Variants in MEGF11 observed in about 807,000 individuals in gnomAD.
The protein encoded by MEGF11 is multiple epidermal growth factor-like domains protein 11.
Under a neutral mutation model 146.6 loss-of-function variants are expected in MEGF11, and 126 were observed. That is an observed-to-expected ratio of 0.86 (90% CI 0.74 to 1.00). The LOEUF is 1.00. Ranked by LOEUF, MEGF11 falls within the 50% of genes least tolerant of loss-of-function variation. MEGF11 has a pLI of 0.00. For missense variants in MEGF11, 1,509 were observed against 1,521.2 expected, an observed-to-expected ratio of 0.99 and a Z score of 0.13; for synonymous variants, 532 against 583.4, an observed-to-expected ratio of 0.91 and a Z score of 1.27.
chr15:66,222,341 C>A (rs1184781306), intron 1 of MEGF11, among the ~76,000 whole-genome samples: 2 of 152,102 alleles, frequency 1.3e-5, no homozygotes, highest in Non-Finnish European at 2.9e-5. Flanking sequence ...TTCTCCAGAG[C>A]AAATTCTTCC....
chr15:66,160,560 T>C (rs1478480850), intron 1 of MEGF11, among the ~76,000 whole-genome samples: 1 of 152,018 alleles, frequency 6.6e-6, no homozygotes, highest in Non-Finnish European at 1.5e-5. Context: ...ATCACATCCA[T>C]GAGGGTAAGG....
intron 4 of MEGF11, among the ~76,000 whole-genome samples, chr15:66,116,578 G>A (rs1219020761): frequency 6.6e-6 from 1 of 152,194 alleles, no homozygotes; most frequent in Admixed American, 6.5e-5. Context: ...TGAACATGTG[G>A]TAACGTTACC....
At chr15:66,022,419 A>G (rs2083179064) in intron 5 of MEGF11, among the ~76,000 whole-genome samples, 1 of 152,220 alleles carries the variant, frequency 6.6e-6, no homozygotes, top group Non-Finnish European at 1.5e-5. Context: ...GAAAATGTGG[A>G]CTGTTTCTAC....
chr15:66,138,478 T>C (rs1381773782), intron 1 of MEGF11, among the ~76,000 whole-genome samples: 1 of 152,042 alleles, frequency 6.6e-6, no homozygotes. Flanking sequence ...ATGAGTCAGG[T>C]ATTCAGATTT....
At chr15:65,903,153 A>G (rs528457626) in intron 24 of MEGF11, among the ~76,000 whole-genome samples, 1 of 152,330 alleles carries the variant, frequency 6.6e-6, no homozygotes, top group East Asian at 1.9e-4. Context: ...TCAGGATGTC[A>G]TTGGGCTCCT....
intron 1 of MEGF11, among the ~76,000 whole-genome samples, chr15:66,132,627 T>C (rs550423682): frequency 6.6e-6 from 1 of 152,294 alleles, no homozygotes; most frequent in Admixed American, 6.5e-5. Flanking sequence ...CTGTTTAGAA[T>C]GCTGTGCTGA....
intron 5 of MEGF11, among the ~76,000 whole-genome samples, chr15:66,084,492 A>C (rs377721351): frequency 3.9e-5 from 6 of 152,308 alleles, no homozygotes; most frequent in African/African-American, 1.4e-4. Flanking sequence ...GAGTGCCCCA[A>C]GTGTGGAAGT....
At chr15:66,185,692 G>A (rs1346940770) in intron 1 of MEGF11, among the ~76,000 whole-genome samples, 2 of 152,146 alleles carry the variant, frequency 1.3e-5, no homozygotes, top group Non-Finnish European at 2.9e-5. Context: ...AGGCAGCAGC[G>A]ACATCAGGAT....
At chr15:65,934,724 G>A (rs2079703563) in intron 10 of MEGF11, among the ~76,000 whole-genome samples, 3 of 152,184 alleles carry the variant, frequency 2.0e-5, no homozygotes, top group Admixed American at 2.0e-4. Context: ...GGCCAGCAAT[G>A]TAATCAATGA....
At chr15:66,080,613 G>A (rs1336950094) in intron 5 of MEGF11, among the ~76,000 whole-genome samples, 2 of 152,236 alleles carry the variant, frequency 1.3e-5, no homozygotes, top group African/African-American at 4.8e-5. Context: ...CTCAGTAAAT[G>A]TGCACTAAGA....
chr15:66,106,679 C>G (rs998414136), intron 4 of MEGF11, among the ~76,000 whole-genome samples: 1 of 152,128 alleles, frequency 6.6e-6, no homozygotes, highest in African/African-American at 2.4e-5. Flanking sequence ...AACACGCCTG[C>G]ACAGACATCC....
In MEGF11 at chr15:65,916,869, C is replaced by T. The variant is rs755680603; in HGVS notation, c.2174G>A (p.Cys725Tyr). ...GASCSAEDGA[C>Y]HCTPGWTGLF... ...TCCAGTCCAGCCAGGGGTGCAGTGG[C>T]AGGCCCCGTCCTCGGCGCTGCAGCT... The change falls in exon 17 of 26, where the codon TGC becomes TAC. Residue 725 changes from cysteine to tyrosine, a missense_variant. Coordinates refer to ENST00000395614, the MANE Select transcript of MEGF11 (RefSeq NM_001385028.1). 30 of 1,596,024 alleles carry T rather than the reference C, an allele frequency of 1.9e-5. No homozygotes were observed. Among genetic ancestry groups the T allele is most frequent in the Non-Finnish European group, 2.6e-5 (30 of 1,170,036 alleles).
At chr15:65,984,145 T>C (rs1297622885) in intron 5 of MEGF11, among the ~76,000 whole-genome samples, 1 of 152,090 alleles carries the variant, frequency 6.6e-6, no homozygotes, top group African/African-American at 2.4e-5. Flanking sequence ...TATGAGTGAG[T>C]CTCACCCTAT....
intron 1 of MEGF11, among the ~76,000 whole-genome samples, chr15:66,165,382 C>T (rs1479322036): frequency 6.6e-6 from 1 of 152,156 alleles, no homozygotes; most frequent in Admixed American, 6.5e-5. Flanking sequence ...CAGCAGGTGT[C>T]CACAGGGCAG....
At chr15:66,077,143 T>G (rs2085624449) in intron 5 of MEGF11, among the ~76,000 whole-genome samples, 1 of 152,168 alleles carries the variant, frequency 6.6e-6, no homozygotes, top group African/African-American at 2.4e-5. Flanking sequence ...CCACCTGCCC[T>G]GGCCCACCAG....
chr15:66,214,876 G>C (rs59790844), intron 1 of MEGF11, among the ~76,000 whole-genome samples: 17,583 of 152,038 alleles, frequency 0.12, 1,178 homozygotes, highest in African/African-American at 0.19. Flanking sequence ...GTGGAAAGAA[G>C]ATGGGGGTAA....
intron 1 of MEGF11, among the ~76,000 whole-genome samples, chr15:66,226,191 T>C (rs1202182929): frequency 6.6e-6 from 1 of 152,162 alleles, no homozygotes; most frequent in African/African-American, 2.4e-5. Context: ...AGTGGCCATC[T>C]TGGCTATCAG....
At chr15:65,916,762 C>T in intron 17 of MEGF11, 66 bp downstream of exon 17, 1 of 1,574,522 alleles carries the variant, frequency 6.4e-7, no homozygotes. Flanking sequence ...TGGACAATGC[C>T]CACAGTGGCC....
chr15:65,981,051 G>A (rs1225434970), intron 6 of MEGF11, among the ~76,000 whole-genome samples, 153 bp from the exon 7 acceptor site: 1 of 152,224 alleles, frequency 6.6e-6, no homozygotes, highest in Non-Finnish European at 1.5e-5. Flanking sequence ...CCTGCCAGGA[G>A]GGGGAAGCAA....
Sources: allele counts gnomAD v4.1 joint callset (sites outside exome capture counted in the v4.1 genomes callset), GRCh38; gene constraint gnomAD v4.1.1; transcripts MANE v1.5; gene names NCBI Gene and HGNC (gene_info 2026-07-23, HGNC 2026-07-21).